The following AGAP9 variants were observed in gnomAD, a reference collection of about 807,000 sequenced individuals.
AGAP9 encodes the protein arf-GAP with GTPase, ANK repeat and PH domain-containing protein 9.
Under a neutral mutation model 55.6 loss-of-function variants are expected in AGAP9, and 23 were observed. The ratio of observed to expected loss-of-function variants is 0.41; its 90% CI spans 0.30 to 0.59. AGAP9 has a LOEUF of 0.59. Among genes scored for constraint, AGAP9 ranks in the 20% least tolerant of loss-of-function variants. The pLI is 0.25. For synonymous variants in AGAP9, 120 were observed against 305.0 expected (o/e 0.39, Z 6.32); for missense variants, 309 against 808.1 (o/e 0.38, Z 7.49).
Position 47,502,986 on chromosome 10 carries a change from G to A in AGAP9, c.1143C>T (p.Ile381=). The change falls in exon 8 of 8, where the codon ATC becomes ATT. Residue 381 remains isoleucine, a synonymous_variant. Transcript: ENST00000452145. Reference sequence around the variant, plus strand: ...TGAGCTTGGGGCTGGTGGTGCTGGAGATACCGGGGCTGAAGCATATGGAGT... The same window carrying A: ...TGAGCTTGGGGCTGGTGGTGCTGGAAATACCGGGGCTGAAGCATATGGAGT... ...LGDSICFSPG[I]SSTTSPKLNP... The A allele has an allele frequency of 6.4e-7, 1 of 1,560,304 alleles. No homozygotes were observed. The highest frequency in any genetic ancestry group is 1.1e-5 in the South Asian group (1 of 89,372).
intron 2 of AGAP9, among the ~76,000 whole-genome samples, chr10:47,522,296 A>G (rs1162955495): frequency 4.8e-5 from 7 of 145,934 alleles, no homozygotes; most frequent in Admixed American, 4.8e-4. Flanking sequence ...TAGAACAAGG[A>G]GGTAAATAAA....
chr10:47,521,812 G>T (rs1168406410), intron 2 of AGAP9, among the ~76,000 whole-genome samples: 2 of 150,802 alleles, frequency 1.3e-5, no homozygotes, highest in African/African-American at 2.4e-5. Context: ...ACGGAGTCTC[G>T]CTCTGTCACC....
chr10:47,515,691 C>G lies in AGAP9; in HGVS notation c.396+2132G>C, dbSNP rs1840703169. On this transcript the variant is annotated intron_variant, in intron 4 of 7. Transcript: ENST00000452145. ...ACACCAAAAATGGAACTCCAACTTTCTTTGCTAACTCTGCTTTTCCTTTCC... is the reference window on the plus strand; with the variant it reads ...ACACCAAAAATGGAACTCCAACTTTGTTTGCTAACTCTGCTTTTCCTTTCC... 2.1e-5 allele frequency among the ~76,000 whole-genome samples: 3 copies of G among 139,590 alleles called. No individual in the cohort carries two copies. In the South Asian group the frequency reaches 6.9e-4, roughly 32 times the overall value. The allele number at this position is 139,590 out of a possible 152,430, so 91.6% of individuals were successfully genotyped here.
chr10:47,514,257 T>C (rs2132490087), intron 4 of AGAP9, among the ~76,000 whole-genome samples: 1 of 150,068 alleles, frequency 6.7e-6, no homozygotes, highest in South Asian at 2.1e-4. Context: ...ACATATTATA[T>C]ATATATATAT....
At chr10:47,511,272 G>A (rs1840617555) in intron 4 of AGAP9, among the ~76,000 whole-genome samples, 1 of 142,572 alleles carries the variant, frequency 7.0e-6, no homozygotes, top group South Asian at 2.2e-4. Context: ...ACGATAAAAT[G>A]TAGTGTATTA....
rs1270747749 is a variant in AGAP9 at position 47,516,709 on chromosome 10, A to C, written c.396+1114T>G. On this transcript the variant is annotated intron_variant, in intron 4 of 7. Transcript: ENST00000452145. ...AAAAGGCCAAAGAAAGTTGCCCCCC[A>C]CACACACATAAAAAGGAACAGATGT... is the stretch of plus-strand genomic sequence containing the variant. Among the ~76,000 whole-genome samples the C allele has an allele frequency of 1.4e-4, 19 of 133,824 alleles. 4 individuals are homozygous for C. The highest frequency in any genetic ancestry group is 2.6e-4 in the Non-Finnish European group (17 of 64,512). 87.8% of individuals were successfully genotyped at this position (133,824 alleles called of 152,430 possible). A position where few individuals can be genotyped will look rare whatever the true frequency, so the allele number is the denominator to read the frequency against.
At chr10:47,511,084 C>T (rs1555225385) in intron 4 of AGAP9, among the ~76,000 whole-genome samples, 1 of 124,514 alleles carries the variant, frequency 8.0e-6, no homozygotes, top group African/African-American at 3.3e-5. Flanking sequence ...GCTGGGACTA[C>T]AGGCGCCCAC....
chr10:47,510,298 A>C lies in AGAP9; in HGVS notation c.397-27T>G, dbSNP rs1280059478. ...TGAAGGGGAAGGGAAGTGTAAGTCA[A>C]ACTTATCAAAGTGTATTTTTTTCTC... On this transcript the variant is annotated intron_variant, in intron 4 of 7. Coordinates refer to ENST00000452145, the MANE Select transcript of AGAP9 (RefSeq NM_001190810.1). The C allele has an allele frequency of 3.3e-5, 36 of 1,105,832 alleles. 4 individuals are homozygous for C. The highest frequency in any genetic ancestry group is 2.6e-4 in the Admixed American group (9 of 34,742). The allele number at this position is 1,105,832 out of a possible 1,614,324, so 68.5% of individuals were successfully genotyped here.
At chr10:47,506,462 C>T (rs1840480447) in intron 6 of AGAP9, among the ~76,000 whole-genome samples, 1 of 136,126 alleles carries the variant, frequency 7.3e-6, no homozygotes, top group Non-Finnish European at 1.6e-5. Flanking sequence ...TCCCAAGTAA[C>T]TGGGACTACA....
At chr10:47,504,846 CTTTTTTTT>C (rs59529030) in intron 6 of AGAP9, among the ~76,000 whole-genome samples, 1 of 46,850 alleles carries the variant, frequency 2.1e-5, no homozygotes, top group African/African-American at 7.4e-5. Context: ...CATAACTGTT[CTTTTTTTT>C]TTTTTTTTTT....
At chr10:47,516,139 G>C (rs1343399423) in intron 4 of AGAP9, among the ~76,000 whole-genome samples, 1 of 69,674 alleles carries the variant, frequency 1.4e-5, no homozygotes, top group African/African-American at 6.4e-5. Context: ...AATCAATGCA[G>C]GTGTACTGGT....
chr10:47,516,646 T>C (rs1286857779), intron 4 of AGAP9, among the ~76,000 whole-genome samples: 2 of 137,314 alleles, frequency 1.5e-5, no homozygotes, highest in Non-Finnish European at 3.1e-5. Context: ...ACATTGAGCA[T>C]ATCTAGGGAA....
rs1264015363 is a variant in AGAP9 at position 47,513,566 on chromosome 10, C to A, written c.397-3295G>T. On this transcript the variant is annotated intron_variant, in intron 4 of 7. Transcript: ENST00000452145. Reference sequence around the variant, plus strand: ...GAAATTTATATGGACCAAACAAGAACCGGCACAGCCAAAACAAAACTAAGC... The same window carrying A: ...GAAATTTATATGGACCAAACAAGAAACGGCACAGCCAAAACAAAACTAAGC... 2.8e-4 allele frequency among the ~76,000 whole-genome samples: 40 copies of A among 140,974 alleles called. 7 individuals carry two copies. The highest frequency in any genetic ancestry group is 1.9e-3 in the Admixed American group (26 of 13,754). The allele number at this position is 140,974 out of a possible 152,430, so 92.5% of individuals were successfully genotyped here. A position where few individuals can be genotyped will look rare whatever the true frequency, so the allele number is the denominator to read the frequency against.
chr10:47,523,342 AG>A lies in AGAP9; in HGVS notation c.184del (p.Leu62SerfsTer61). On this transcript the variant is annotated frameshift_variant, in exon 1 of 8. Transcript: ENST00000452145. LOFTEE classifies it high-confidence loss of function. ...AEVTVEVGED[L>X]HMHQVRDREM... Reference sequence around the variant, plus strand: ...CCGGTCACGAACCTGGTGCATGTGGAGGTCCTCACCAACTTCAACAGTCACC... The same window carrying A: ...CCGGTCACGAACCTGGTGCATGTGGAGTCCTCACCAACTTCAACAGTCACC... The A allele has an allele frequency of 1.9e-6, 3 of 1,567,362 alleles. No individual in the cohort carries two copies. Among genetic ancestry groups the A allele is most frequent in the Non-Finnish European group, 2.6e-6 (3 of 1,160,040 alleles).
Position 47,502,974 on chromosome 10 carries a change from G to A in AGAP9, c.1155C>T (p.Thr385=). 6.4e-7 allele frequency: 1 copy of A among 1,564,062 alleles called. No homozygotes were observed. The highest frequency in any genetic ancestry group is 8.7e-7 in the Non-Finnish European group (1 of 1,152,182). The change falls in exon 8 of 8, where the codon ACC becomes ACT. Residue 385 remains threonine (T), a synonymous_variant. Transcript: ENST00000452145. ...ICFSPGISST[T]SPKLNPPPSP... ...AGGGGGGCGGGTTGAGCTTGGGGCT[G>A]GTGGTGCTGGAGATACCGGGGCTGA...
intron 3 of AGAP9, among the ~76,000 whole-genome samples, chr10:47,519,285 T>C (rs1269988862): frequency 1.7e-5 from 2 of 120,856 alleles, no homozygotes; most frequent in Non-Finnish European, 3.4e-5. Context: ...CTGGCTAACA[T>C]GGTGAAACCC....
At position 47,502,206 on chromosome 10, in the gene AGAP9, C is replaced by G; in HGVS notation, c.1923G>C (p.Gln641His). 2 of 1,543,774 alleles carry G rather than the reference C, an allele frequency of 1.3e-6. No individual in the cohort carries two copies. The highest frequency in any genetic ancestry group is 1.7e-6 in the Non-Finnish European group (2 of 1,143,466). The change falls in exon 8 of 8, where the codon CAG becomes CAC. Residue 641 changes from glutamine (Q) to histidine (H), a missense_variant. By Grantham distance (24) the Gln-to-His change is conservative. Transcript: ENST00000452145. Reference protein sequence around the residue: ...ACRKGNVVLEQLLTGWTSWPE... With the variant: ...ACRKGNVVLEHLLTGWTSWPE... ...GCCATGACGTCCACCCCGTCAGGAG[C>G]TGCTCCAGGACCACATTCCCCTTGC...
At chr10:47,517,234 C>A (rs1225296261) in intron 4 of AGAP9, among the ~76,000 whole-genome samples, 274 of 79,040 alleles carry the variant, frequency 3.5e-3, no homozygotes, top group African/African-American at 0.017. Flanking sequence ...TATTTTTGTT[C>A]TTTCATTAAA....
At chr10:47,506,008 G>A (rs1208956428) in intron 6 of AGAP9, among the ~76,000 whole-genome samples, 2 of 142,398 alleles carry the variant, frequency 1.4e-5, no homozygotes, top group African/African-American at 5.1e-5. Context: ...AATACTTAAA[G>A]GCCTGTTAAA....
Sources: allele counts gnomAD v4.1 joint callset (sites outside exome capture counted in the v4.1 genomes callset), GRCh38; gene constraint gnomAD v4.1.1; transcripts MANE v1.5; gene names NCBI Gene and HGNC (gene_info 2026-07-23, HGNC 2026-07-21).